Variants in DRC3 observed in about 807,000 individuals in gnomAD.
The protein encoded by DRC3 is dynein regulatory complex subunit 3.
A neutral mutation model predicts 57.6 loss-of-function variants in DRC3; 45 were observed. That is an observed-to-expected ratio of 0.78 (90% CI 0.62 to 1.00). The LOEUF is 1.00. Ranked by LOEUF, DRC3 falls within the 50% of genes least tolerant of loss-of-function variation. DRC3 has a pLI of 0.00. For missense variants in DRC3, 655 were observed against 675.2 expected (o/e 0.97, Z 0.33); for synonymous variants, 257 against 272.3 (o/e 0.94, Z 0.55).
At chr17:18,006,155 T>C in intron 10 of DRC3, 28 bp from the exon 11 acceptor site, 1 of 1,557,238 alleles carries the variant, frequency 6.4e-7, no homozygotes, top group East Asian at 2.2e-5. Flanking sequence ...TAAATATGCA[T>C]GTTAACTGTG....
chr17:18,006,657 G>A lies in DRC3; in HGVS notation c.1203-367G>A, dbSNP rs1156309107. On this transcript the variant is annotated intron_variant, in intron 11 of 13. Coordinates refer to ENST00000399187, the MANE Select transcript of DRC3 (RefSeq NM_031294.4). ...CACTCCACATGGGGCAAACTGCTGT[G>A]CTCCAGCTAGCAGCAGCCCTGTGGT... 13 of 367,026 alleles carry A rather than the reference G, an allele frequency of 3.5e-5. No individual in the cohort carries two copies. In the East Asian group the frequency reaches 7.7e-4, roughly 22 times the overall value. 22.7% of individuals were successfully genotyped at this position (367,026 alleles called of 1,614,324 possible).
rs199937731 is a variant in DRC3 at position 18,007,087 on chromosome 17, C to T, written c.1266C>T (p.Ser422=). 2 of 1,517,666 alleles carry T rather than the reference C, an allele frequency of 1.3e-6. No homozygotes were observed. The highest frequency in any genetic ancestry group is 2.5e-5 in the East Asian group (1 of 39,650). The allele number at this position is 1,517,666 out of a possible 1,614,324, so 94.0% of individuals were successfully genotyped here. ...AGAAGCTCCTGGAGATCTCTATCAGCACCCTGGAGAAGATTGTCGAGGGCG... is the reference window on the plus strand; with the variant it reads ...AGAAGCTCCTGGAGATCTCTATCAGTACCCTGGAGAAGATTGTCGAGGGCG... ...HHEKLLEISI[S]TLEKIVEGDL... is the part of the protein sequence containing the mutation. The change falls in exon 12 of 14, where the codon AGC becomes AGT. Residue 422 remains serine (S), a synonymous_variant. Transcript: ENST00000399187.
In DRC3 at chr17:17,984,441, G is replaced by C. The variant is rs2145254056; in HGVS notation, c.277+497G>C. Among the ~76,000 whole-genome samples, 3 of 152,222 alleles carry C rather than the reference G, an allele frequency of 2.0e-5. No individual in the cohort carries two copies. In the East Asian group the frequency reaches 5.8e-4, roughly 29 times the overall value. Reference sequence around the variant, plus strand: ...CCCGTCATAGAGATGAGCAAACTGAGGTCACCACACCACATCAGGTCTCAC... The same window carrying C: ...CCCGTCATAGAGATGAGCAAACTGACGTCACCACACCACATCAGGTCTCAC... On this transcript the variant is annotated intron_variant, in intron 4 of 13. Transcript: ENST00000399187.
chr17:18,001,081 CTTTT>C (rs1428938120), intron 9 of DRC3, among the ~76,000 whole-genome samples: 1 of 150,574 alleles, frequency 6.6e-6, no homozygotes, highest in African/African-American at 2.4e-5. Context: ...TTCTTTTTTT[CTTTT>C]TCTTTCTTTT....
chr17:17,981,849 C>T (rs1317978056), intron 3 of DRC3, among the ~76,000 whole-genome samples: 1 of 150,986 alleles, frequency 6.6e-6, no homozygotes, highest in Non-Finnish European at 1.5e-5. Context: ...GGGACACCAG[C>T]TAATTTTTGT....
chr17:18,015,940 G>A (rs2044344989), intron 12 of DRC3, 124 bp from the exon 13 acceptor site: 8 of 965,694 alleles, frequency 8.3e-6, no homozygotes, highest in African/African-American at 1.6e-5. Context: ...TACAAAGGTG[G>A]GCTCTGCTCT....
At position 17,977,996 on chromosome 17, in the gene DRC3, A is replaced by G. The variant is rs2042469307; in HGVS notation, c.160+238A>G. The G allele has an allele frequency of 9.4e-6, 4 of 423,926 alleles. No homozygotes were observed. The East Asian group carries it at 1.7e-4, about 18-fold the overall frequency. The allele number at this position is 423,926 out of a possible 1,614,324, so 26.3% of individuals were successfully genotyped here. A position where few individuals can be genotyped will look rare whatever the true frequency, so the allele number is the denominator to read the frequency against. On this transcript the variant is annotated intron_variant, in intron 3 of 13. Coordinates refer to ENST00000399187, the MANE Select transcript of DRC3 (RefSeq NM_031294.4). ...CGGATTCTGAATAAGAATAGAAAAC[A>G]AGATAAAATTGTCCCACGCCAAATC...
intron 2 of DRC3, among the ~76,000 whole-genome samples, chr17:17,976,763 T>C (rs1394749455): frequency 1.3e-5 from 2 of 152,204 alleles, no homozygotes; most frequent in African/African-American, 4.8e-5. Context: ...GAAACTCTCA[T>C]GAGGCCTGGA....
intron 2 of DRC3, among the ~76,000 whole-genome samples, chr17:17,976,579 G>C (rs531876105): frequency 2.0e-5 from 3 of 152,324 alleles, no homozygotes; most frequent in Admixed American, 6.5e-5. Context: ...TACTCAGGAG[G>C]CTGAGGCAGG....
intron 2 of DRC3, among the ~76,000 whole-genome samples, chr17:17,976,043 G>C (rs1015348353): frequency 6.6e-6 from 1 of 152,184 alleles, no homozygotes; most frequent in African/African-American, 2.4e-5. Context: ...TGCACCAGGA[G>C]TTTCTCCAGC....
At chr17:18,005,103 A>G (rs1441226833) in intron 10 of DRC3, 1 of 152,628 alleles carries the variant, frequency 6.6e-6, no homozygotes, top group Non-Finnish European at 1.5e-5. Context: ...TCCCCATCAC[A>G]TCACAGGGCA....
At chr17:17,988,929 C>T (rs1405268466) in intron 5 of DRC3, among the ~76,000 whole-genome samples, 1 of 152,178 alleles carries the variant, frequency 6.6e-6, no homozygotes, top group African/African-American at 2.4e-5. Flanking sequence ...AGGGTCAAGC[C>T]TTCTATGCCT....
At chr17:17,977,325 T>G in intron 2 of DRC3, 1 of 455,332 alleles carries the variant, frequency 2.2e-6, no homozygotes, top group East Asian at 4.5e-5. Context: ...GTCCAGTGGG[T>G]CCAGCGAGGG....
rs2044063321 is a variant in DRC3 at position 18,008,654 on chromosome 17, G to C, written c.1326+1507G>C. ...AGACAGACACCCAACATAGCAGTGT[G>C]GTGATAGGGTCACCGTGACACCAGC... On this transcript the variant is annotated intron_variant, in intron 12 of 13. Transcript: ENST00000399187. The surrounding 1 kb of genome is among the most constrained non-coding windows in gnomAD (Gnocchi z 4.3). Among the ~76,000 whole-genome samples, 1 of 152,212 alleles carries C rather than the reference G, an allele frequency of 6.6e-6. No individual in the cohort carries two copies. The highest frequency in any genetic ancestry group is 2.4e-5 in the African/African-American group (1 of 41,458).
At chr17:17,977,502 A>G in intron 2 of DRC3, 80 bp from the exon 3 acceptor site, 1 of 1,546,312 alleles carries the variant, frequency 6.5e-7, no homozygotes, top group South Asian at 1.2e-5. Context: ...ACAAGACACT[A>G]CAGGGGGAAA....
intron 8 of DRC3, among the ~76,000 whole-genome samples, chr17:17,996,231 G>A (rs2043453089): frequency 6.6e-6 from 1 of 152,186 alleles, no homozygotes; most frequent in Non-Finnish European, 1.5e-5. Context: ...TGTTGGTCAG[G>A]CTGGTCTCAA....
chr17:18,016,776 T>C lies in DRC3; in HGVS notation c.*105T>C, dbSNP rs2044380791. ...CACCTCTAGAGAGTTGCTGGGCATC[T>C]CTCAACCGCGATCCCCAACACCATT... On this transcript the variant is annotated 3_prime_UTR_variant, in exon 14 of 14. Transcript: ENST00000399187. 1.6e-6 allele frequency: 1 copy of C among 621,858 alleles called. No individual in the cohort carries two copies. The highest frequency in any genetic ancestry group is 2.8e-6 in the Non-Finnish European group (1 of 360,172). The allele number at this position is 621,858 out of a possible 1,614,324, so 38.5% of individuals were successfully genotyped here.
intron 3 of DRC3, among the ~76,000 whole-genome samples, chr17:17,980,703 T>G (rs185583629): frequency 5.9e-5 from 9 of 151,742 alleles, no homozygotes; most frequent in Non-Finnish European, 1.3e-4. Context: ...CAAGTGATTC[T>G]CTTGCCTCAG....
intron 2 of DRC3, among the ~76,000 whole-genome samples, chr17:17,975,773 G>A (rs78761720): frequency 0.038 from 5,791 of 152,296 alleles, 151 homozygotes; most frequent in Middle Eastern, 0.058. Context: ...TGGGAGGACG[G>A]AAGGCACAGG....
Sources: allele counts gnomAD v4.1 joint callset (sites outside exome capture counted in the v4.1 genomes callset), GRCh38; gene constraint gnomAD v4.1.1; non-coding constraint Gnocchi (gnomAD v3.1); transcripts MANE v1.5; gene names NCBI Gene and HGNC (gene_info 2026-07-23, HGNC 2026-07-21).